HAUS7: variants seen among roughly 807,000 people sequenced by gnomAD.
The protein encoded by HAUS7 is HAUS augmin-like complex subunit 7.
A neutral mutation model predicts 28.4 loss-of-function variants in HAUS7; 3 were observed. That is an observed-to-expected ratio of 0.11 (90% CI 0.05 to 0.27). HAUS7 has a LOEUF of 0.27. Among genes scored for constraint, HAUS7 ranks in the 10% least tolerant of loss-of-function variants. The pLI is 1.00. For synonymous variants in HAUS7, 165 were observed against 132.1 expected, an observed-to-expected ratio of 1.25 and a Z score of -1.71; for missense variants, 284 against 297.3, an observed-to-expected ratio of 0.96 and a Z score of 0.33.
In HAUS7 at chrX:153,488,997, G is replaced by A. The variant is rs192702015; in HGVS notation, c.-589+6377C>T. On this transcript the variant is annotated intron_variant, in intron 1 of 5. Transcript: ENST00000370210. ...TGGGGAGGCAGGGGACTCGCACTTG[G>A]GAAATGTACCTGCGGGCTCTTGGGG... 1.2e-4 allele frequency among the ~76,000 whole-genome samples: 13 copies of A among 112,832 alleles called. No homozygotes were observed. In the East Asian group the frequency reaches 3.6e-3, roughly 32 times the overall value.
chrX:153,488,728 G>C (rs943005743), intron 1 of HAUS7, among the ~76,000 whole-genome samples: 3 of 112,810 alleles, frequency 2.7e-5, no homozygotes, highest in African/African-American at 9.7e-5. Context: ...AGGTCACCCT[G>C]CAGCCCCCAC....
chrX:153,485,760 C>T (rs1411984396), intron 1 of HAUS7: 11 of 834,473 alleles, frequency 1.3e-5, no homozygotes, highest in African/African-American at 1.1e-4. Context: ...CTGTGTGCCC[C>T]GCCCCACAGG....
chrX:153,484,183 C>T (rs1201934226), intron 1 of HAUS7, among the ~76,000 whole-genome samples: 3 of 111,954 alleles, frequency 2.7e-5, no homozygotes, highest in Non-Finnish European at 5.6e-5. Context: ...CCCTCTGTCT[C>T]GTCTTCTCTC....
chrX:153,463,115 A>G (rs951740780), intron 3 of HAUS7: 4 of 332,564 alleles, frequency 1.2e-5, no homozygotes, highest in African/African-American at 1.1e-4. Flanking sequence ...GGGGTGGAAG[A>G]CCTTGTTCCA....
chrX:153,476,892 G>A (rs782719261), intron 1 of HAUS7, among the ~76,000 whole-genome samples: 81 of 112,005 alleles, frequency 7.2e-4, no homozygotes, highest in African/African-American at 2.2e-3. Context: ...GCTCTTGGGC[G>A]GGGGGGAGGG....
At chrX:153,458,303 C>T (rs782704737) in intron 4 of HAUS7, among the ~76,000 whole-genome samples, 8 of 113,090 alleles carry the variant, frequency 7.1e-5, no homozygotes, top group Non-Finnish European at 1.5e-4. Flanking sequence ...GTGCTGACCA[C>T]AGTCATGTGC....
upstream of HAUS7, among the ~76,000 whole-genome samples, chrX:153,474,085 C>A (rs1387819298): frequency 3.6e-5 from 4 of 112,634 alleles, no homozygotes; most frequent in Admixed American, 9.3e-5. Context: ...GGGAGCCCTG[C>A]GGCCTGTGGC....
intron 1 of HAUS7, chrX:153,481,611 C>T: frequency 2.6e-6 from 2 of 755,853 alleles, no homozygotes; most frequent in Non-Finnish European, 3.1e-6. Flanking sequence ...ATGTCCCTGC[C>T]CTGACCCACC....
chrX:153,448,288 G>T (rs1033132771), intron 9 of HAUS7, among the ~76,000 whole-genome samples: 36 of 106,352 alleles, frequency 3.4e-4, no homozygotes, highest in African/African-American at 1.3e-3. Flanking sequence ...GCAAACTATC[G>T]CAAGGACAAA....
At chrX:153,479,196 C>T in intron 1 of HAUS7, 1 of 255,684 alleles carries the variant, frequency 3.9e-6, no homozygotes, top group Non-Finnish European at 5.4e-6. Flanking sequence ...CAACTTGTGC[C>T]GTCCGCCATC....
chrX:153,470,693 C>T (rs983199805), upstream of HAUS7: 762 of 942,735 alleles, frequency 8.1e-4, 7 homozygotes, highest in Non-Finnish European at 1.5e-4. Flanking sequence ...CATTGGGCGA[C>T]ATCTCCGCCT....
upstream of HAUS7, chrX:153,470,608 C>G: frequency 8.4e-7 from 1 of 1,192,847 alleles, no homozygotes; most frequent in Non-Finnish European, 1.1e-6. Flanking sequence ...CACTGGCCGG[C>G]AAGACCGCCA....
chrX:153,472,763 G>A (rs2089537662), upstream of HAUS7, among the ~76,000 whole-genome samples: 1 of 109,056 alleles, frequency 9.2e-6, no homozygotes, highest in African/African-American at 3.4e-5. Context: ...GAGGGAGGGG[G>A]CACATCTCTA....
At chrX:153,456,963 C>G (rs1453147733) in intron 5 of HAUS7, 174 bp downstream of exon 5, 1 of 452,515 alleles carries the variant, frequency 2.2e-6, no homozygotes, top group Non-Finnish European at 3.9e-6. Context: ...TGGGACACAG[C>G]TGCCCCTTGC....
Position 153,447,782 on chromosome X carries a change from T to G in HAUS7, c.*96A>C, listed in dbSNP as rs782488488. The G allele has an allele frequency of 1.4e-6, 1 of 730,849 alleles. No individual in the cohort carries two copies. 60.2% of individuals were successfully genotyped at this position (730,849 alleles called of 1,213,427 possible). A position where few individuals can be genotyped will look rare whatever the true frequency, so the allele number is the denominator to read the frequency against. ...AACGTGGGGCTGCAACGGCTTCTGC[T>G]GCCACAATCATCCATCCTCGGCCAA... On this transcript the variant is annotated 3_prime_UTR_variant, in exon 10 of 10. Coordinates refer to ENST00000370211, the MANE Select transcript of HAUS7 (RefSeq NM_001385482.1).
intron 6 of HAUS7, 46 bp from the exon 7 acceptor site, chrX:153,456,410 G>T: frequency 8.5e-7 from 1 of 1,175,587 alleles, no homozygotes; most frequent in Admixed American, 2.2e-5. Flanking sequence ...GCTGCCAGGG[G>T]TGTCTGCAGT....
intron 4 of HAUS7, chrX:153,462,042 A>C: frequency 1.9e-5 from 13 of 694,162 alleles, no homozygotes; most frequent in Non-Finnish European, 2.4e-5. Flanking sequence ...GCTGTGTCAT[A>C]GGCCATTGGT....
intron 4 of HAUS7, among the ~76,000 whole-genome samples, chrX:153,457,521 G>C (rs2089330835): frequency 1.8e-5 from 2 of 113,368 alleles, no homozygotes; most frequent in South Asian, 7.1e-4. Flanking sequence ...AGCATGGCTT[G>C]CTGGGTGGGC....
intron 1 of HAUS7, 56 bp from the exon 2 acceptor site, chrX:153,469,317 A>C: frequency 1.8e-6 from 1 of 548,302 alleles, no homozygotes; most frequent in Non-Finnish European, 3.1e-6. Flanking sequence ...ACATCATTTC[A>C]TTTTATTTAT....
Sources: gnomAD v4.1 joint callset for allele counts (sites outside exome capture counted in the v4.1 genomes callset) on GRCh38, gnomAD v4.1.1 for gene constraint, MANE v1.5 for transcripts, NCBI Gene and HGNC (gene_info 2026-07-23, HGNC 2026-07-21) for gene names.